The following AGK variants were observed in gnomAD, a reference collection of about 807,000 sequenced individuals.
The protein encoded by AGK is acylglycerol kinase.
In AGK, 52 loss-of-function variants were observed where a neutral mutation model predicts 66.4. That is an observed-to-expected ratio of 0.78 (90% CI 0.63 to 0.99). The LOEUF is 0.99. AGK is among the 50% of genes least tolerant of loss of function. AGK has a pLI of 0.00. For missense variants in AGK, 451 were observed against 506.6 expected (o/e 0.89, Z 1.05); for synonymous variants, 182 against 181.1 (o/e 1.00, Z -0.04).
At chr7:141,570,481 GAAAA>G (rs1225471568) in intron 2 of AGK, among the ~76,000 whole-genome samples, 3 of 151,900 alleles carry the variant, frequency 2.0e-5, no homozygotes, top group Admixed American at 1.3e-4. Context: ...GATGTCTAAA[GAAAA>G]AAATTAATTT....
At chr7:141,559,782 T>C (rs1398764286) in intron 2 of AGK, among the ~76,000 whole-genome samples, 2 of 152,350 alleles carry the variant, frequency 1.3e-5, no homozygotes, top group Admixed American at 1.3e-4. Context: ...GTTTTGTTTT[T>C]AGCGTATAAG....
intron 7 of AGK, among the ~76,000 whole-genome samples, chr7:141,614,534 A>G (rs1486926294): frequency 6.6e-6 from 1 of 150,986 alleles, no homozygotes; most frequent in Non-Finnish European, 1.5e-5. Context: ...AAATATCTAC[A>G]TGGCTAAATC....
intron 2 of AGK, among the ~76,000 whole-genome samples, chr7:141,578,631 G>T (rs1224772379): frequency 6.6e-6 from 1 of 151,884 alleles, no homozygotes; most frequent in African/African-American, 2.4e-5. Context: ...AACCTAGAGT[G>T]GGAGAGGTCA....
At chr7:141,595,768 G>C (rs925012216) in intron 3 of AGK, among the ~76,000 whole-genome samples, 1 of 151,962 alleles carries the variant, frequency 6.6e-6, no homozygotes, top group Non-Finnish European at 1.5e-5. Context: ...TTCTCATTTG[G>C]ACTCCTCACA....
chr7:141,561,354 C>T (rs574205564), intron 2 of AGK, among the ~76,000 whole-genome samples: 1 of 152,260 alleles, frequency 6.6e-6, no homozygotes, highest in African/African-American at 2.4e-5. Context: ...ATACTGTTTT[C>T]CATAGTGGTT....
At chr7:141,636,703 G>A (rs1445140366) in intron 10 of AGK, among the ~76,000 whole-genome samples, 2 of 152,142 alleles carry the variant, frequency 1.3e-5, no homozygotes, top group Non-Finnish European at 2.9e-5. Flanking sequence ...GTGACTCAAG[G>A]AGCCTGGTTA....
Position 141,653,946 on chromosome 7 carries a change from C to CCCTTCATTCATTTATAAAAATAAA in AGK, c.*1023_*1046dup, listed in dbSNP as rs1797626900. On this transcript the variant is annotated 3_prime_UTR_variant, in exon 16 of 16. Transcript: ENST00000649286. ...ATTTAAATATCACAACAATTTGACA[C>CCCTTCATTCATTTATAAAAATAAA]CCTTCATTCATTTATAAAAATAAAT... 1 of 152,260 alleles carries CCCTTCATTCATTTATAAAAATAAA rather than the reference C, an allele frequency of 6.6e-6. No individual in the cohort carries two copies. The highest frequency in any genetic ancestry group is 1.9e-4 in the East Asian group (1 of 5,192). The allele number at this position is 152,260 out of a possible 1,614,324, so 9.4% of individuals were successfully genotyped here.
rs1298988598 is a variant in AGK, at chr7:141,555,145, C to T, written c.-14-308C>T. On this transcript the variant is annotated intron_variant, in intron 1 of 15. Transcript: ENST00000649286. This position sits in a 1 kb window ranked among gnomAD's most constrained non-coding sequence, Gnocchi z 4.2. ...GGAATTCCCTTCCTCTCTTTCTGCC[C>T]CTCCCTCTTCCTTCTATTGCAATGA... Among the ~76,000 whole-genome samples, 1 of 152,078 alleles carries T rather than the reference C, an allele frequency of 6.6e-6. No individual in the cohort carries two copies. Among genetic ancestry groups the T allele is most frequent in the African/African-American group, 2.4e-5 (1 of 41,390 alleles).
At chr7:141,610,745 A>C (rs1457366290) in intron 5 of AGK, among the ~76,000 whole-genome samples, 7 of 152,178 alleles carry the variant, frequency 4.6e-5, no homozygotes, top group Non-Finnish European at 1.0e-4. Flanking sequence ...GATCCATAGA[A>C]TTTAAGGTCA....
chr7:141,651,895 T>C (rs1252226841), intron 15 of AGK, among the ~76,000 whole-genome samples: 2 of 152,226 alleles, frequency 1.3e-5, no homozygotes, highest in Non-Finnish European at 2.9e-5. Flanking sequence ...TTTTTCCATA[T>C]GTAAATAATG....
chr7:141,565,889 C>G (rs926135563), intron 2 of AGK, among the ~76,000 whole-genome samples: 2 of 152,210 alleles, frequency 1.3e-5, no homozygotes, highest in Non-Finnish European at 2.9e-5. Context: ...ATTTTGGATA[C>G]CGTTGCTAGA....
At chr7:141,649,094 GAAAAAA>G in intron 13 of AGK, 163 bp from the exon 14 acceptor site, 6 of 316,114 alleles carry the variant, frequency 1.9e-5, no homozygotes, top group Non-Finnish European at 3.3e-5. Context: ...AGCTCTTTGT[GAAAAAA>G]AAAAAAAAAA....
intron 13 of AGK, among the ~76,000 whole-genome samples, chr7:141,646,810 G>A (rs1797422443): frequency 6.6e-6 from 1 of 152,176 alleles, no homozygotes. Context: ...CAGCTACTAT[G>A]GCTGAGTTGA....
chr7:141,554,171 C>T (rs1795158966), intron 1 of AGK, among the ~76,000 whole-genome samples: 1 of 151,530 alleles, frequency 6.6e-6, no homozygotes, highest in South Asian at 2.1e-4. Flanking sequence ...GAGACCTTGT[C>T]TCTAACAAAA....
intron 5 of AGK, among the ~76,000 whole-genome samples, chr7:141,610,509 A>C (rs757470609): frequency 6.6e-6 from 1 of 152,226 alleles, no homozygotes; most frequent in Non-Finnish European, 1.5e-5. Context: ...GGTATCAATA[A>C]AAATGGTAAG....
In AGK at chr7:141,626,510, G is replaced by A. The variant is rs373064843; in HGVS notation, c.588+4709G>A. Among the ~76,000 whole-genome samples, 4 of 152,306 alleles carry A rather than the reference G, an allele frequency of 2.6e-5. No homozygotes were observed. The South Asian group carries it at 8.3e-4, about 32-fold the overall frequency. On this transcript the variant is annotated intron_variant, in intron 9 of 15. Transcript: ENST00000649286. ...TATACTTTGATAATGGAGAAATCTAGTGATCAAACTTAGCATCATGAATAA... is the reference window on the plus strand; with the variant it reads ...TATACTTTGATAATGGAGAAATCTAATGATCAAACTTAGCATCATGAATAA...
intron 14 of AGK, among the ~76,000 whole-genome samples, chr7:141,651,083 A>G (rs1054316718): frequency 6.6e-6 from 1 of 152,216 alleles, no homozygotes; most frequent in African/African-American, 2.4e-5. Context: ...TTCTAAGACT[A>G]GTTGTTCATA....
chr7:141,593,792 CT>C (rs1796172678), intron 3 of AGK: 1 of 158,660 alleles, frequency 6.3e-6, no homozygotes, highest in African/African-American at 2.4e-5. Flanking sequence ...AATTCTGAGA[CT>C]GAGTTGCCTT....
At position 141,641,289 on chromosome 7, in the gene AGK, A is replaced by C. The variant is rs757105425; in HGVS notation, c.768A>C (p.Gly256=). 1 of 1,613,952 alleles carries C rather than the reference A, an allele frequency of 6.2e-7. No homozygotes were observed. The change falls in exon 12 of 16, where the codon GGA becomes GGC. Residue 256 remains glycine (G), a synonymous_variant. Transcript: ENST00000649286. ...QTHQASISYT[G]PTERPPNEPE... is the part of the protein sequence containing the mutation. Reference sequence around the variant, plus strand: ...ATCAAGCCTCTATCTCATACACGGGACCTACAGAGAGACCTCCCAATGAAC... The same window carrying C: ...ATCAAGCCTCTATCTCATACACGGGCCCTACAGAGAGACCTCCCAATGAAC...
Sources: allele counts gnomAD v4.1 joint callset (sites outside exome capture counted in the v4.1 genomes callset), GRCh38; gene constraint gnomAD v4.1.1; non-coding constraint Gnocchi (gnomAD v3.1); transcripts MANE v1.5; gene names NCBI Gene and HGNC (gene_info 2026-07-23, HGNC 2026-07-21).